ERCC6L2: variants seen among roughly 807,000 people sequenced by gnomAD.
ERCC6L2 encodes the protein DNA excision repair protein ERCC-6-like 2.
Under a neutral mutation model 132.0 loss-of-function variants are expected in ERCC6L2, and 77 were observed. That is an observed-to-expected ratio of 0.58 (90% confidence interval 0.49 to 0.71). ERCC6L2 has a LOEUF of 0.71. Ranked by LOEUF, ERCC6L2 falls within the 30% of genes least tolerant of loss-of-function variation. The probability of loss-of-function intolerance (pLI) is 0.00; values close to 1 mark genes in which losing one functional copy is unlikely to be tolerated. For missense variants in ERCC6L2, 1,542 were observed against 1,837.6 expected (o/e 0.84, Z 2.94); for synonymous variants, 583 against 632.4 (o/e 0.92, Z 1.17).
chr9:95,908,219 T>C (rs974664980), intron 4 of ERCC6L2, among the ~76,000 whole-genome samples: 17 of 152,128 alleles, frequency 1.1e-4, no homozygotes, highest in African/African-American at 3.1e-4. Flanking sequence ...CACCTCAGAA[T>C]GTAACTGTGT....
chr9:95,890,395 T>A (rs754534424), intron 2 of ERCC6L2, among the ~76,000 whole-genome samples: 23 of 152,200 alleles, frequency 1.5e-4, no homozygotes, highest in Admixed American at 3.3e-4. Context: ...TATTAAAATT[T>A]ATAGAAAGTT....
chr9:95,975,404 T>G (rs1275619247), intron 16 of ERCC6L2, among the ~76,000 whole-genome samples: 2 of 152,074 alleles, frequency 1.3e-5, no homozygotes, highest in Non-Finnish European at 2.9e-5. Context: ...GCTCACATTG[T>G]CTTTTCTTGA....
At chr9:95,887,502 A>G (rs1469233193) in intron 2 of ERCC6L2, among the ~76,000 whole-genome samples, 1 of 152,186 alleles carries the variant, frequency 6.6e-6, no homozygotes, top group Non-Finnish European at 1.5e-5. Context: ...TTACCATATT[A>G]TTTTATTTTC....
chr9:96,006,344 G>A (rs1166989519), intron 18 of ERCC6L2, among the ~76,000 whole-genome samples: 1 of 152,228 alleles, frequency 6.6e-6, no homozygotes, highest in Non-Finnish European at 1.5e-5. Flanking sequence ...GTCAAATACT[G>A]CTGAGAACCA....
chr9:95,985,752 G>A (rs10512244), intron 17 of ERCC6L2, among the ~76,000 whole-genome samples: 21,687 of 152,032 alleles, frequency 0.14, 1,646 homozygotes, highest in Admixed American at 0.19. Flanking sequence ...TGCTTTTCTA[G>A]TCTCATTCCA....
chr9:96,026,502 G>A (rs1834366510), intron 19 of ERCC6L2, among the ~76,000 whole-genome samples: 1 of 152,086 alleles, frequency 6.6e-6, no homozygotes, highest in African/African-American at 2.4e-5. Context: ...AACGCCCACA[G>A]GCCAGGCGGC....
intron 6 of ERCC6L2, among the ~76,000 whole-genome samples, chr9:95,917,142 T>G (rs2132714930): frequency 6.6e-6 from 1 of 152,320 alleles, no homozygotes; most frequent in South Asian, 2.1e-4. Flanking sequence ...ATCAAAGTGG[T>G]TAAGAGCTTT....
intron 19 of ERCC6L2, among the ~76,000 whole-genome samples, chr9:96,032,912 T>C (rs780767330): frequency 2.6e-5 from 4 of 152,112 alleles, no homozygotes; most frequent in African/African-American, 4.8e-5. Flanking sequence ...TATTTCCCCA[T>C]TGGAGCAGGA....
intron 11 of ERCC6L2, among the ~76,000 whole-genome samples, chr9:95,937,021 A>T (rs912002461): frequency 6.6e-6 from 1 of 152,166 alleles, no homozygotes. Context: ...TTATACATTC[A>T]TCTGTTGAAG....
chr9:95,903,448 T>C (rs984338681), intron 3 of ERCC6L2, among the ~76,000 whole-genome samples: 4 of 152,114 alleles, frequency 2.6e-5, no homozygotes, highest in African/African-American at 7.2e-5. Context: ...CCTATTGATA[T>C]ATTAGTTGAT....
chr9:95,948,576 G>A (rs560711841), intron 12 of ERCC6L2, among the ~76,000 whole-genome samples: 2 of 152,172 alleles, frequency 1.3e-5, no homozygotes, highest in East Asian at 3.9e-4. Context: ...AACCCGGGAG[G>A]TGGAGGCTGC....
At position 95,955,990 on chromosome 9, in the gene ERCC6L2, T is replaced by C; in HGVS notation, c.1924T>C (p.Tyr642His). 6.2e-7 allele frequency: 1 copy of C among 1,600,814 alleles called. No individual in the cohort carries two copies. The highest frequency in any genetic ancestry group is 8.5e-7 in the Non-Finnish European group (1 of 1,172,788). ...CTTGGGAACTGTGGAGGAAATCATGTATTTACGACAGATATACAAGCAGGT... is the reference window on the plus strand; with the variant it reads ...CTTGGGAACTGTGGAGGAAATCATGCATTTACGACAGATATACAAGCAGGT... The part of the protein sequence containing the change: ...ISLGTVEEIM[Y>H]LRQIYKQQLH... The change falls in exon 13 of 19, where the codon TAT becomes CAT. Residue 642 changes from tyrosine to histidine, a missense_variant. By Grantham distance (83) the Tyr-to-His change is moderately conservative. Coordinates refer to ENST00000653738, the MANE Select transcript of ERCC6L2 (RefSeq NM_020207.7).
chr9:95,940,008 A>G (rs935635197), intron 11 of ERCC6L2, among the ~76,000 whole-genome samples: 6 of 152,174 alleles, frequency 3.9e-5, no homozygotes, highest in Admixed American at 3.3e-4. Flanking sequence ...ATAGCCTGAG[A>G]GGGAAGTGCT....
At chr9:96,009,375 A>G (rs1833958754) in intron 18 of ERCC6L2, among the ~76,000 whole-genome samples, 1 of 152,224 alleles carries the variant, frequency 6.6e-6, no homozygotes, top group African/African-American at 2.4e-5. Context: ...GTCAATCAGA[A>G]TCAAGACTGC....
At chr9:96,020,874 G>A (rs571607832), downstream of ERCC6L2, 23 of 456,756 alleles carry the variant, frequency 5.0e-5, no homozygotes, top group African/African-American at 4.0e-4. Flanking sequence ...TTGGTGCGGA[G>A]GTTCCTGGTT....
At chr9:96,002,400 T>A (rs1161590176) in intron 17 of ERCC6L2, among the ~76,000 whole-genome samples, 1 of 150,228 alleles carries the variant, frequency 6.7e-6, no homozygotes, top group East Asian at 2.0e-4. Context: ...GTGATGTTAA[T>A]GAGAAGACGG....
chr9:95,918,374 G>A lies in ERCC6L2; in HGVS notation c.1158+1940G>A, dbSNP rs114268722. 1,977 of 361,688 alleles carry A rather than the reference G, an allele frequency of 5.5e-3. 43 individuals carry two copies. The highest frequency in any genetic ancestry group is 0.038 in the African/African-American group (1,799 of 47,262). 22.4% of individuals were successfully genotyped at this position (361,688 alleles called of 1,614,324 possible). The stretch of plus-strand genomic sequence containing the variant: ...TAACAGGAGGTAATCTGGGTGCACA[G>A]ATTTTATTTGAGTCCGCTGCCTTGA... On this transcript the variant is annotated intron_variant, in intron 6 of 18. Transcript: ENST00000653738.
At chr9:96,030,777 A>C (rs1834447882) in intron 19 of ERCC6L2, among the ~76,000 whole-genome samples, 1 of 151,936 alleles carries the variant, frequency 6.6e-6, no homozygotes, top group Non-Finnish European at 1.5e-5. Context: ...ACCCACCGGA[A>C]GGAACAAACT....
intron 2 of ERCC6L2, among the ~76,000 whole-genome samples, chr9:95,897,600 G>C (rs1564202840): frequency 6.6e-6 from 1 of 152,108 alleles, no homozygotes; most frequent in South Asian, 2.1e-4. Context: ...AATTAAGAAA[G>C]AATTCATTGG....
Sources: allele counts gnomAD v4.1 joint callset (sites outside exome capture counted in the v4.1 genomes callset), GRCh38; gene constraint gnomAD v4.1.1; transcripts MANE v1.5; gene names NCBI Gene and HGNC (gene_info 2026-07-23, HGNC 2026-07-21).